Variants in PRDM6 observed in about 807,000 individuals in gnomAD.
PRDM6 encodes PR/SET domain 6, also known as putative histone-lysine N-methyltransferase PRDM6.
In PRDM6, 25 loss-of-function variants were observed where a neutral mutation model predicts 60.8. That is an observed-to-expected ratio of 0.41 (90% CI 0.30 to 0.57). The LOEUF is 0.57. Among genes scored for constraint, PRDM6 ranks in the 20% least tolerant of loss-of-function variants. The probability of loss-of-function intolerance (pLI) is 0.27; values close to 1 mark genes in which losing one functional copy is unlikely to be tolerated. For synonymous variants in PRDM6, 407 were observed against 357.4 expected (o/e 1.14, Z -1.57); for missense variants, 839 against 821.3 (o/e 1.02, Z -0.26).
chr5:123,136,807 G>C (rs568005646), intron 3 of PRDM6, among the ~76,000 whole-genome samples: 1 of 151,568 alleles, frequency 6.6e-6, no homozygotes, highest in South Asian at 2.1e-4. Flanking sequence ...TACTTTCAGC[G>C]TTCTCTCTCT....
intron 3 of PRDM6, among the ~76,000 whole-genome samples, chr5:123,107,525 G>T (rs1255514805): frequency 1.3e-5 from 2 of 152,188 alleles, no homozygotes; most frequent in Non-Finnish European, 2.9e-5. Flanking sequence ...AATCTGCAGG[G>T]CTCTTTCCAA....
At position 123,090,159 on chromosome 5, in the gene PRDM6, C is replaced by A. The variant is rs1273706934; in HGVS notation, c.145C>A (p.Pro49Thr). 6.6e-7 allele frequency: 1 copy of A among 1,506,202 alleles called. No individual in the cohort carries two copies. Among genetic ancestry groups the A allele is most frequent in the Non-Finnish European group, 8.9e-7 (1 of 1,129,604 alleles). 93.3% of individuals were successfully genotyped at this position (1,506,202 alleles called of 1,614,324 possible). ...GAAGLLSAPQPLQPPPPPPPP... is the reference protein window; with the variant it reads ...GAAGLLSAPQTLQPPPPPPPP... ...CGCGGGTCTCCTGAGCGCGCCGCAG[C>A]CTCTTCAGCCGCCGCCGCCGCCCCC... The change falls in exon 2 of 8, where the codon CCT becomes ACT. Residue 49 changes from proline (P) to threonine (T), a missense_variant. Physicochemically the swap from Pro to Thr is conservative, Grantham distance 38 (BLOSUM62 -1). Coordinates refer to ENST00000407847, the MANE Select transcript of PRDM6 (RefSeq NM_001136239.4).
At chr5:123,125,622 T>C (rs918477121) in intron 3 of PRDM6, among the ~76,000 whole-genome samples, 7 of 152,330 alleles carry the variant, frequency 4.6e-5, no homozygotes, top group Admixed American at 4.6e-4. Context: ...GCAAGGATAC[T>C]CTTGGCTGGG....
At chr5:123,166,443 G>GGGT (rs370936201) in intron 5 of PRDM6, among the ~76,000 whole-genome samples, 2 of 125,918 alleles carry the variant, frequency 1.6e-5, no homozygotes, top group Non-Finnish European at 3.5e-5. Context: ...TAAAATTTAT[G>GGGT]TTTTTGTTTT....
chr5:123,163,894 G>A (rs1250135618), intron 5 of PRDM6, among the ~76,000 whole-genome samples: 1 of 152,174 alleles, frequency 6.6e-6, no homozygotes, highest in African/African-American at 2.4e-5. Context: ...AACCCTGCCT[G>A]GAGGAGCCCT....
Position 123,090,296 on chromosome 5 carries a change from C to A in PRDM6, c.282C>A (p.Ser94=). The part of the protein sequence containing the change: ...ASSSTSASSA[S]SCAAAAAAAA... Reference sequence around the variant, plus strand: ...CTTCCACCTCCGCCTCCTCCGCCTCCTCCTGCGCTGCTGCGGCCGCTGCCG... The same window carrying A: ...CTTCCACCTCCGCCTCCTCCGCCTCATCCTGCGCTGCTGCGGCCGCTGCCG... Residue 94 remains serine (S), a synonymous_variant, in exon 2 of 8, where the codon TCC becomes TCA. Transcript: ENST00000407847. 6.7e-7 allele frequency: 1 copy of A among 1,488,868 alleles called. No individual in the cohort carries two copies. 92.2% of individuals were successfully genotyped at this position (1,488,868 alleles called of 1,614,324 possible).
At chr5:123,145,887 C>G (rs1765226982) in intron 3 of PRDM6, among the ~76,000 whole-genome samples, 1 of 152,050 alleles carries the variant, frequency 6.6e-6, no homozygotes, top group African/African-American at 2.4e-5. Context: ...AGAAATAAAG[C>G]TGTTGCCTGC....
Position 123,090,180 on chromosome 5 carries a change from C to T in PRDM6, c.166C>T (p.Pro56Ser), listed in dbSNP as rs1198720809. ...GCAGCCTCTTCAGCCGCCGCCGCCG[C>T]CCCCGCCCCCGGAGCGCGCTGAGCC... ...APQPLQPPPP[P>S]PPPERAEPPP... Residue 56 changes from proline (P) to serine (S), a missense_variant, in exon 2 of 8, where the codon CCC becomes TCC. This residue lies in a region of PRDM6 where 730 missense variants were observed against 648.8 expected (regional missense o/e 1.13). Transcript: ENST00000407847. The T allele has an allele frequency of 6.7e-6, 10 of 1,486,442 alleles. No homozygotes were observed. In the East Asian group the frequency reaches 2.1e-4, roughly 31 times the overall value. The allele number at this position is 1,486,442 out of a possible 1,614,324, so 92.1% of individuals were successfully genotyped here.
At chr5:123,169,707 C>T (rs774405960) in intron 5 of PRDM6, among the ~76,000 whole-genome samples, 1 of 152,146 alleles carries the variant, frequency 6.6e-6, no homozygotes. Flanking sequence ...CATACTTGCC[C>T]AAGGCTAGTA....
intron 3 of PRDM6, among the ~76,000 whole-genome samples, chr5:123,104,541 G>A (rs943893957): frequency 3.3e-5 from 5 of 151,816 alleles, no homozygotes; most frequent in East Asian, 3.9e-4. Flanking sequence ...TGTAGCTGTC[G>A]CAGTTATATT....
intron 3 of PRDM6, among the ~76,000 whole-genome samples, chr5:123,129,311 A>T (rs1304132595): frequency 6.6e-6 from 1 of 152,238 alleles, no homozygotes; most frequent in Non-Finnish European, 1.5e-5. Flanking sequence ...AGTCATTGGT[A>T]GCCTGATGGG....
At chr5:123,181,056 C>T (rs751134620) in intron 7 of PRDM6, among the ~76,000 whole-genome samples, 2 of 152,214 alleles carry the variant, frequency 1.3e-5, no homozygotes, top group African/African-American at 2.4e-5. Context: ...CATCTGAATC[C>T]GTGCAAGATG....
In PRDM6 at chr5:123,090,411, C is replaced by T. The variant is rs1385144442; in HGVS notation, c.397C>T (p.Pro133Ser). 36 of 1,457,618 alleles carry T rather than the reference C, an allele frequency of 2.5e-5. No homozygotes were observed. Among genetic ancestry groups the T allele is most frequent in the Non-Finnish European group, 3.1e-5 (34 of 1,111,912 alleles). 90.3% of individuals were successfully genotyped at this position (1,457,618 alleles called of 1,614,324 possible). A position where few individuals can be genotyped will look rare whatever the true frequency, so the allele number is the denominator to read the frequency against. Residue 133 changes from proline to serine, a missense_variant, in exon 2 of 8, where the codon CCC becomes TCC. By Grantham distance (74) the Pro-to-Ser change is moderately conservative. Around this residue, in one of 2 missense-constraint regions of PRDM6, gnomAD observed 730 missense variants for 648.8 expected, o/e 1.13. Coordinates refer to ENST00000407847, the MANE Select transcript of PRDM6 (RefSeq NM_001136239.4). The part of the protein sequence containing the change: ...AAAAVAAEPL[P>S]PKELCLGATS... ...CGCTGCCGTCGCCGCCGAGCCGCTG[C>T]CCCCCAAGGAACTGTGCCTCGGCGC... is the stretch of plus-strand genomic sequence containing the variant.
At chr5:123,100,083 C>T (rs1764065278) in intron 3 of PRDM6, 122 bp downstream of exon 3, 22 of 1,055,628 alleles carry the variant, frequency 2.1e-5, no homozygotes, top group Admixed American at 3.0e-5. Context: ...CCCTTGGCCC[C>T]CAGAGGGTAG....
chr5:123,113,779 A>G (rs1233890972), intron 3 of PRDM6, among the ~76,000 whole-genome samples: 1 of 152,140 alleles, frequency 6.6e-6, no homozygotes, highest in Non-Finnish European at 1.5e-5. Context: ...TGGACACTGC[A>G]CTGGTTTTTC....
At chr5:123,166,159 G>A (rs1387713556) in intron 5 of PRDM6, among the ~76,000 whole-genome samples, 1 of 152,006 alleles carries the variant, frequency 6.6e-6, no homozygotes, top group Non-Finnish European at 1.5e-5. Flanking sequence ...CTCAAGCCTC[G>A]GCTGCAGCCC....
At position 123,090,395 on chromosome 5, in the gene PRDM6, C is replaced by T. The variant is rs757355076; in HGVS notation, c.381C>T (p.Val127=). The change falls in exon 2 of 8, where the codon GTC becomes GTT. Residue 127 remains valine (V), a synonymous_variant. Transcript: ENST00000407847. The stretch of plus-strand genomic sequence containing the variant: ...TCGCGCCTCTAGCCGCCGCTGCCGT[C>T]GCCGCCGAGCCGCTGCCCCCCAAGG... The part of the protein sequence containing the change: ...PVFAPLAAAA[V]AAEPLPPKEL... 9.6e-6 allele frequency: 14 copies of T among 1,459,428 alleles called. No individual in the cohort carries two copies. The highest frequency in any genetic ancestry group is 1.5e-5 in the African/African-American group (1 of 67,758). The allele number at this position is 1,459,428 out of a possible 1,614,324, so 90.4% of individuals were successfully genotyped here.
At position 123,191,132 on chromosome 5, in the gene PRDM6, A is replaced by G. The variant is rs1039692190; in HGVS notation, c.*3931A>G. On this transcript the variant is annotated 3_prime_UTR_variant, in exon 8 of 8. Transcript: ENST00000407847. ...AATGATAAGGCAACAAGTTGGGTAC[A>G]AGGCTGGAGTTGCTCAGGGAAGGAG... 1 of 152,162 alleles carries G rather than the reference A, an allele frequency of 6.6e-6. No homozygotes were observed. The highest frequency in any genetic ancestry group is 2.4e-5 in the African/African-American group (1 of 41,436). 9.4% of individuals were successfully genotyped at this position (152,162 alleles called of 1,614,324 possible).
At chr5:123,116,374 C>T (rs1366136821) in intron 3 of PRDM6, among the ~76,000 whole-genome samples, 1 of 152,200 alleles carries the variant, frequency 6.6e-6, no homozygotes, top group Non-Finnish European at 1.5e-5. Context: ...ATGACTCATG[C>T]ACTCATTATT....
Sources: allele counts gnomAD v4.1 joint callset (sites outside exome capture counted in the v4.1 genomes callset), GRCh38; gene constraint gnomAD v4.1.1; regional missense constraint gnomAD v4.1.1; transcripts MANE v1.5; gene names NCBI Gene and HGNC (gene_info 2026-07-23, HGNC 2026-07-21).